Variants in SLC38A10 observed in about 807,000 individuals in gnomAD.
The protein encoded by SLC38A10 is solute carrier family 38 member 10, also known as Sodium-coupled neutral amino acid transporter 10.
A neutral mutation model predicts 81.0 loss-of-function variants in SLC38A10; 53 were observed. The ratio of observed to expected loss-of-function variants is 0.65; its 90% CI spans 0.53 to 0.82. The LOEUF (loss-of-function observed/expected upper bound fraction) is 0.82, where lower values mean the gene tolerates loss of function less well. SLC38A10 is among the 40% of genes least tolerant of loss of function. SLC38A10 has a pLI of 0.00. For missense variants in SLC38A10, 1,471 were observed against 1,545.0 expected, an observed-to-expected ratio of 0.95 and a Z score of 0.80; for synonymous variants, 665 against 655.3, an observed-to-expected ratio of 1.01 and a Z score of -0.23.
rs1014015950 is a variant in SLC38A10 at position 81,281,151 on chromosome 17, C to T, written c.502-418G>A. On this transcript the variant is annotated intron_variant, in intron 5 of 15. Coordinates refer to ENST00000374759, the MANE Select transcript of SLC38A10 (RefSeq NM_001037984.3). The surrounding 1 kb of genome is among the most constrained non-coding windows in gnomAD (Gnocchi z 5.3). ...TTTCCAAAAGACTGGCCCACCAGGA[C>T]GCGGCTGTCTCAAGAGTAAAGAGGT... is the stretch of plus-strand genomic sequence containing the variant. 1.3e-5 allele frequency among the ~76,000 whole-genome samples: 2 copies of T among 152,308 alleles called. No homozygotes were observed. The highest frequency in any genetic ancestry group is 1.9e-4 in the East Asian group (1 of 5,192).
At chr17:81,251,956 G>A (rs1348580406) in intron 13 of SLC38A10, 4 of 637,438 alleles carry the variant, frequency 6.3e-6, no homozygotes, top group South Asian at 2.8e-5. Flanking sequence ...CGAGCACAGC[G>A]CGGCACCTGA....
chr17:81,246,351 C>T lies in SLC38A10; in HGVS notation c.2565G>A (p.Pro855=), dbSNP rs561494400. ...CGGGGTCTGGCACGGGCACCTGCTC[C>T]GGGCCCTTGGGGAGCTCCTTCACAG... ...AGTVKELPKG[P]EQVPVPDPAR... The change falls in exon 16 of 16, where the codon CCG becomes CCA. Residue 855 remains proline, a synonymous_variant. Transcript: ENST00000374759. 33 of 1,606,076 alleles carry T rather than the reference C, an allele frequency of 2.1e-5. No individual in the cohort carries two copies. The highest frequency in any genetic ancestry group is 1.5e-4 in the African/African-American group (11 of 74,866).
chr17:81,245,462 GT>G lies in SLC38A10; in HGVS notation c.*93del. On this transcript the variant is annotated 3_prime_UTR_variant, in exon 16 of 16. Coordinates refer to ENST00000374759, the MANE Select transcript of SLC38A10 (RefSeq NM_001037984.3). ...CATGAAACCCTGGGGAGAGGCGAGT[GT>G]GACCTCCAGAGTTTGGCTGGGATGC... 6.9e-7 allele frequency: 1 copy of G among 1,451,354 alleles called. No homozygotes were observed. Among genetic ancestry groups the G allele is most frequent in the Non-Finnish European group, 9.2e-7 (1 of 1,087,374 alleles). The allele number at this position is 1,451,354 out of a possible 1,614,324, so 89.9% of individuals were successfully genotyped here.
intron 14 of SLC38A10, chr17:81,251,274 G>GT (rs142504417): frequency 2.0e-6 from 3 of 1,475,862 alleles, no homozygotes; most frequent in African/African-American, 4.5e-5. Context: ...TGCCGCAGGT[G>GT]TTTAAAGGGG....
At chr17:81,251,741 G>A in intron 13 of SLC38A10, 129 bp from the exon 14 acceptor site, 11 of 1,001,024 alleles carry the variant, frequency 1.1e-5, no homozygotes, top group Non-Finnish European at 1.5e-5. Flanking sequence ...ACCCCCGTCA[G>A]CACAGTTTAT....
rs575429087 is a variant in SLC38A10 at position 81,282,426 on chromosome 17, G to A, written c.358-94C>T. 9.0e-5 allele frequency: 134 copies of A among 1,489,530 alleles called. No homozygotes were observed. In the African/African-American group the frequency reaches 1.6e-3, roughly 18 times the overall value. 92.3% of individuals were successfully genotyped at this position (1,489,530 alleles called of 1,614,324 possible). ...CAGGGAGTGGGAGCGCCCCGAGCCCGAAAGCCGACGGCATCCAGGTGAATG... is the reference window on the plus strand; with the variant it reads ...CAGGGAGTGGGAGCGCCCCGAGCCCAAAAGCCGACGGCATCCAGGTGAATG... On this transcript the variant is annotated intron_variant, in intron 4 of 15. Coordinates refer to ENST00000374759, the MANE Select transcript of SLC38A10 (RefSeq NM_001037984.3).
rs1207061049 is a variant in SLC38A10 at position 81,253,969 on chromosome 17, A to G, written c.1289-729T>C. Among the ~76,000 whole-genome samples the G allele has an allele frequency of 6.6e-6, 1 of 151,046 alleles. No homozygotes were observed. The highest frequency in any genetic ancestry group is 2.5e-5 in the African/African-American group (1 of 40,752). ...TATCGTCATCACCACCACCATCTCCATCCCCACCACCATCGCTGCATCATT... is the reference window on the plus strand; with the variant it reads ...TATCGTCATCACCACCACCATCTCCGTCCCCACCACCATCGCTGCATCATT... On this transcript the variant is annotated intron_variant, in intron 11 of 15. Transcript: ENST00000374759. This position sits in a 1 kb window ranked among gnomAD's most constrained non-coding sequence, Gnocchi z 4.1.
chr17:81,254,352 G>A (rs576169329), intron 11 of SLC38A10, among the ~76,000 whole-genome samples: 26 of 152,236 alleles, frequency 1.7e-4, no homozygotes, highest in Non-Finnish European at 3.5e-4. Context: ...GGAGTTGAGA[G>A]TCCTAGACAA....
rs145397946 is a variant in SLC38A10 at position 81,245,011 on chromosome 17, A to C, written c.*545T>G. ...GCATCCACCGAGGCTGGGTGAAGGC[A>C]AAAGTGTTTATTCAAGACTTTCTAC... is the stretch of plus-strand genomic sequence containing the variant. On this transcript the variant is annotated 3_prime_UTR_variant, in exon 16 of 16. Coordinates refer to ENST00000374759, the MANE Select transcript of SLC38A10 (RefSeq NM_001037984.3). 244 of 157,058 alleles carry C rather than the reference A, an allele frequency of 1.6e-3. 1 individual carries two copies. The highest frequency in any genetic ancestry group is 4.4e-3 in the African/African-American group (185 of 41,736). The allele number at this position is 157,058 out of a possible 1,614,324, so 9.7% of individuals were successfully genotyped here. A position where few individuals can be genotyped will look rare whatever the true frequency, so the allele number is the denominator to read the frequency against.
intron 11 of SLC38A10, among the ~76,000 whole-genome samples, chr17:81,257,137 AG>A (rs1345008776): frequency 6.6e-6 from 1 of 152,122 alleles, no homozygotes; most frequent in Non-Finnish European, 1.5e-5. Context: ...TTTCTTTTTA[AG>A]AGACAGGGTC....
At chr17:81,278,407 C>T (rs1027967365) in intron 6 of SLC38A10, among the ~76,000 whole-genome samples, 1 of 152,122 alleles carries the variant, frequency 6.6e-6, no homozygotes, top group Non-Finnish European at 1.5e-5. Flanking sequence ...ACCCAGCAGA[C>T]TGACAAGTGA....
In SLC38A10 at chr17:81,289,889, G is replaced by C; in HGVS notation, c.100-81C>G. ...CTCACCCCACACACGCGGCTCATGA[G>C]GACCCTCTTCACCCCCAGGCCCCGC... On this transcript the variant is annotated intron_variant, in intron 1 of 15. Coordinates refer to ENST00000374759, the MANE Select transcript of SLC38A10 (RefSeq NM_001037984.3). This position sits in a 1 kb window ranked among gnomAD's most constrained non-coding sequence, Gnocchi z 5.9. 8.4e-7 allele frequency: 1 copy of C among 1,196,460 alleles called. No homozygotes were observed. Among genetic ancestry groups the C allele is most frequent in the Non-Finnish European group, 1.2e-6 (1 of 864,194 alleles). 74.1% of individuals were successfully genotyped at this position (1,196,460 alleles called of 1,614,324 possible). A position where few individuals can be genotyped will look rare whatever the true frequency, so the allele number is the denominator to read the frequency against.
At chr17:81,251,852 C>T in intron 13 of SLC38A10, 1 of 527,878 alleles carries the variant, frequency 1.9e-6, no homozygotes, top group African/African-American at 2.0e-5. Flanking sequence ...AATTAAAATG[C>T]AAGAACTGTC....
rs2063208713 is a variant in SLC38A10, at chr17:81,281,098, C to T, written c.502-365G>A. Among the ~76,000 whole-genome samples the T allele has an allele frequency of 6.6e-6, 1 of 152,206 alleles. No homozygotes were observed. ...TTTCCCACGTGGGCAGGTCCCTCCC[C>T]ATCTTGTACTGTGTTAGACATGGAC... On this transcript the variant is annotated intron_variant, in intron 5 of 15. Coordinates refer to ENST00000374759, the MANE Select transcript of SLC38A10 (RefSeq NM_001037984.3). This position sits in a 1 kb window ranked among gnomAD's most constrained non-coding sequence, Gnocchi z 5.3.
intron 11 of SLC38A10, among the ~76,000 whole-genome samples, chr17:81,259,458 G>A (rs2063001562): frequency 6.6e-6 from 1 of 152,220 alleles, no homozygotes; most frequent in African/African-American, 2.4e-5. Flanking sequence ...GCACCTACCT[G>A]CCCATCCCTG....
rs1317054451 is a variant in SLC38A10 at position 81,295,110 on chromosome 17, G to C, written c.-189C>G. On this transcript the variant is annotated 5_prime_UTR_variant, in exon 1 of 16. Transcript: ENST00000374759. ...CGGGCCCCAGAGGCTGCCTGGAGGA[G>C]GCAGCCTCGAAGGCCGGCTGCGGGG... is the stretch of plus-strand genomic sequence containing the variant. The C allele has an allele frequency of 1.8e-6, 2 of 1,100,770 alleles. No individual in the cohort carries two copies. Among genetic ancestry groups the C allele is most frequent in the Non-Finnish European group, 2.3e-6 (2 of 872,962 alleles). 68.2% of individuals were successfully genotyped at this position (1,100,770 alleles called of 1,614,324 possible).
At chr17:81,282,167 C>A in intron 5 of SLC38A10, 22 bp downstream of exon 5, 4 of 1,611,192 alleles carry the variant, frequency 2.5e-6, no homozygotes, top group Non-Finnish European at 3.4e-6. Context: ...TCAGCGGGTA[C>A]CCACGCGCGC....
At chr17:81,269,047 A>G (rs1343073763) in intron 10 of SLC38A10, among the ~76,000 whole-genome samples, 2 of 152,272 alleles carry the variant, frequency 1.3e-5, no homozygotes, top group Non-Finnish European at 1.5e-5. Flanking sequence ...ATTTAACACG[A>G]TAAAAGACAA....
rs371965284 is a variant in SLC38A10, at chr17:81,288,813, A to G, written c.217+878T>C. 1.5e-4 allele frequency: 23 copies of G among 152,564 alleles called. No individual in the cohort carries two copies. In the East Asian group the frequency reaches 4.4e-3, roughly 29 times the overall value. 9.5% of individuals were successfully genotyped at this position (152,564 alleles called of 1,614,324 possible). On this transcript the variant is annotated intron_variant, in intron 2 of 15. Transcript: ENST00000374759. This position sits in a 1 kb window ranked among gnomAD's most constrained non-coding sequence, Gnocchi z 5.4. ...CATGGAATTCCGAGTTGGGGAGAAC[A>G]GCAAGGCTCTCTGCAGGCAGCTCCG...
Sources: allele counts gnomAD v4.1 joint callset (sites outside exome capture counted in the v4.1 genomes callset), GRCh38; gene constraint gnomAD v4.1.1; non-coding constraint Gnocchi (gnomAD v3.1); transcripts MANE v1.5; gene names NCBI Gene and HGNC (gene_info 2026-07-23, HGNC 2026-07-21).